ASAP1: variants seen among roughly 807,000 people sequenced by gnomAD.
ASAP1 encodes the protein arf-GAP with SH3 domain, ANK repeat and PH domain-containing protein 1.
ASAP1 carries 43 observed loss-of-function variants against 145.2 expected under a neutral mutation model. That is an observed-to-expected ratio of 0.30 (90% CI 0.23 to 0.38). ASAP1 has a LOEUF of 0.38. Ranked by LOEUF, ASAP1 falls within the 10% of genes least tolerant of loss-of-function variation. ASAP1 has a pLI of 1.00. For missense variants in ASAP1, 1,018 were observed against 1,355.3 expected, an observed-to-expected ratio of 0.75 and a Z score of 3.91; for synonymous variants, 546 against 515.5, an observed-to-expected ratio of 1.06 and a Z score of -0.80.
In ASAP1 at chr8:130,360,504, C is replaced by T. The variant is rs139959707; in HGVS notation, c.60-2361G>A. Among the ~76,000 whole-genome samples, 65 of 152,278 alleles carry T rather than the reference C, an allele frequency of 4.3e-4. No homozygotes were observed. The East Asian group carries it at 5.6e-3, about 13-fold the overall frequency. ...TACTGAACCTGCACTGTGCCTCCAGCGAGATGCTCATCAATGTCCTCTAAG... is the reference window on the plus strand; with the variant it reads ...TACTGAACCTGCACTGTGCCTCCAGTGAGATGCTCATCAATGTCCTCTAAG... On this transcript the variant is annotated intron_variant, in intron 2 of 29. Coordinates refer to ENST00000518721, the MANE Select transcript of ASAP1 (RefSeq NM_018482.4).
intron 5 of ASAP1, among the ~76,000 whole-genome samples, chr8:130,190,638 C>T (rs1302191294): frequency 1.3e-5 from 2 of 152,124 alleles, no homozygotes; most frequent in Non-Finnish European, 2.9e-5. Flanking sequence ...CTGTCTCAGC[C>T]TCCTGAATAG....
intron 1 of ASAP1, among the ~76,000 whole-genome samples, chr8:130,418,008 G>A (rs1340617706): frequency 6.6e-6 from 1 of 152,198 alleles, no homozygotes; most frequent in African/African-American, 2.4e-5. Context: ...TGGACACGGG[G>A]AGCGGGTCAG....
intron 11 of ASAP1, chr8:130,160,759 TATTCTCATAAAA>T (rs758651440): frequency 7.9e-7 from 1 of 1,266,228 alleles, no homozygotes; most frequent in South Asian, 1.3e-5. Flanking sequence ...TAGGACAATA[TATTCTCATAAAA>T]AGTATTGACT....
intron 9 of ASAP1, among the ~76,000 whole-genome samples, chr8:130,169,694 G>A (rs1420460188): frequency 6.6e-6 from 1 of 152,186 alleles, no homozygotes; most frequent in Non-Finnish European, 1.5e-5. Flanking sequence ...TTTAGCACAT[G>A]CCCAGTACTG....
At chr8:130,322,744 T>C (rs1824085969) in intron 3 of ASAP1, among the ~76,000 whole-genome samples, 2 of 152,292 alleles carry the variant, frequency 1.3e-5, no homozygotes, top group Non-Finnish European at 1.5e-5. Context: ...CTTACCTAAG[T>C]GAGTTTACAA....
intron 1 of ASAP1, among the ~76,000 whole-genome samples, chr8:130,427,200 T>G (rs781615158): frequency 1.3e-5 from 2 of 152,090 alleles, no homozygotes; most frequent in Non-Finnish European, 2.9e-5. Flanking sequence ...CTTTACCTGC[T>G]TTTCTTGATA....
At chr8:130,077,592 C>G (rs1486453539) in intron 26 of ASAP1, among the ~76,000 whole-genome samples, 1 of 120,980 alleles carries the variant, frequency 8.3e-6, no homozygotes, top group South Asian at 2.9e-4. Context: ...TGTCACCAGG[C>G]TGGAGTGCAG....
At chr8:130,072,836 G>GT (rs1564928329) in intron 27 of ASAP1, among the ~76,000 whole-genome samples, 1 of 18,542 alleles carries the variant, frequency 5.4e-5, no homozygotes, top group African/African-American at 1.9e-4. Flanking sequence ...CGCGCGGGGG[G>GT]GGGCAGTTTT....
chr8:130,430,508 C>T (rs1211537471), intron 1 of ASAP1, among the ~76,000 whole-genome samples: 2 of 152,168 alleles, frequency 1.3e-5, no homozygotes, highest in East Asian at 1.9e-4. Flanking sequence ...GTTGAAACGT[C>T]CAGCTGCTTT....
At chr8:130,279,252 A>G (rs969892572) in intron 3 of ASAP1, among the ~76,000 whole-genome samples, 2 of 152,026 alleles carry the variant, frequency 1.3e-5, no homozygotes, top group African/African-American at 4.8e-5. Flanking sequence ...ACAGGAAATT[A>G]CTCTTTCCTC....
chr8:130,201,789 C>T (rs1475961864), intron 5 of ASAP1, among the ~76,000 whole-genome samples: 1 of 152,298 alleles, frequency 6.6e-6, no homozygotes, highest in East Asian at 1.9e-4. Context: ...TTCATTTCCA[C>T]GCATGGCATC....
At chr8:130,098,589 C>T (rs974863796) in intron 24 of ASAP1, among the ~76,000 whole-genome samples, 2 of 152,158 alleles carry the variant, frequency 1.3e-5, no homozygotes, top group African/African-American at 4.8e-5. Flanking sequence ...ATCTCATGAT[C>T]CGCCCGCCTC....
intron 2 of ASAP1, among the ~76,000 whole-genome samples, chr8:130,395,545 CTGCTGG>C (rs1209493417): frequency 6.6e-6 from 1 of 152,224 alleles, no homozygotes; most frequent in East Asian, 1.9e-4. Flanking sequence ...ACATCAACGA[CTGCTGG>C]TGACACCAGA....
chr8:130,196,413 A>G (rs1017793453), intron 5 of ASAP1, among the ~76,000 whole-genome samples: 48 of 151,766 alleles, frequency 3.2e-4, no homozygotes, highest in Non-Finnish European at 6.5e-4. Flanking sequence ...TGCCCAACTC[A>G]GCTCCAAGCC....
intron 3 of ASAP1, among the ~76,000 whole-genome samples, chr8:130,258,381 A>C (rs142089351): frequency 1.3e-5 from 2 of 152,344 alleles, no homozygotes; most frequent in East Asian, 3.9e-4. Flanking sequence ...CTTTTGAAGA[A>C]GTTAAATGTA....
intron 4 of ASAP1, among the ~76,000 whole-genome samples, chr8:130,219,985 T>C (rs1051932602): frequency 2.6e-5 from 4 of 152,126 alleles, no homozygotes; most frequent in Non-Finnish European, 4.4e-5. Flanking sequence ...GATGGGGTCT[T>C]GCCATGTTGC....
chr8:130,276,728 A>ACACTCTCTCTCTCTCTCTCTCTCT (rs548512902), intron 3 of ASAP1, among the ~76,000 whole-genome samples: 1 of 87,314 alleles, frequency 1.1e-5, no homozygotes, highest in African/African-American at 4.4e-5. Flanking sequence ...ACACACACAC[A>ACACTCTCTCTCTCTCTCTCTCTCT]CTCTCTCTCT....
At position 130,216,030 on chromosome 8, in the gene ASAP1, AGG is replaced by A. The variant is rs1586612634; in HGVS notation, c.260-1331_260-1330del. On this transcript the variant is annotated intron_variant, in intron 4 of 29. Coordinates refer to ENST00000518721, the MANE Select transcript of ASAP1 (RefSeq NM_018482.4). ...GAAAGGAAAGGAAAAAGGAAAGGAAAGGAAAAAGGAAAGGAAAAGAAAGAAAA... is the reference window on the plus strand; with the variant it reads ...GAAAGGAAAGGAAAAAGGAAAGGAAAAAAAAGGAAAGGAAAAGAAAGAAAA... 2.0e-5 allele frequency among the ~76,000 whole-genome samples: 3 copies of A among 149,990 alleles called. No individual in the cohort carries two copies. In the East Asian group the frequency reaches 5.8e-4, roughly 29 times the overall value.
chr8:130,430,714 G>T (rs1830106797), intron 1 of ASAP1, among the ~76,000 whole-genome samples: 1 of 152,214 alleles, frequency 6.6e-6, no homozygotes, highest in African/African-American at 2.4e-5. Context: ...CTGTGGGATG[G>T]ACAGAAGGGG....
Sources: gnomAD v4.1 joint callset for allele counts (sites outside exome capture counted in the v4.1 genomes callset) on GRCh38, gnomAD v4.1.1 for gene constraint, MANE v1.5 for transcripts, NCBI Gene and HGNC (gene_info 2026-07-23, HGNC 2026-07-21) for gene names.